The following STK24 variants were observed in gnomAD, a reference collection of about 807,000 sequenced individuals.
STK24 encodes serine/threonine kinase 24, also known as serine/threonine-protein kinase 24.
STK24 carries 21 observed loss-of-function variants against 55.6 expected under a neutral mutation model. The observed-to-expected ratio is 0.38, with a 90% CI of 0.27 to 0.54. STK24 has a LOEUF of 0.54. Ranked by LOEUF, STK24 falls within the 20% of genes least tolerant of loss-of-function variation. The probability of loss-of-function intolerance (pLI) is 0.79; values close to 1 mark genes in which losing one functional copy is unlikely to be tolerated. For synonymous variants in STK24, 200 were observed against 215.2 expected (o/e 0.93, Z 0.62); for missense variants, 383 against 538.4 (o/e 0.71, Z 2.86).
chr13:98,470,933 T>C (rs564266237), intron 5 of STK24, among the ~76,000 whole-genome samples: 46 of 152,362 alleles, frequency 3.0e-4, no homozygotes, highest in African/African-American at 1.1e-3. Flanking sequence ...AGCTTATTAC[T>C]TAAGCAGATG....
Position 98,448,620 on chromosome 13 carries a change from CAG to C in STK24, c.*4551_*4552del, listed in dbSNP as rs1893014891. 1 of 344,148 alleles carries C rather than the reference CAG, an allele frequency of 2.9e-6. No individual in the cohort carries two copies. The highest frequency in any genetic ancestry group is 6.4e-5 in the East Asian group (1 of 15,718). The allele number at this position is 344,148 out of a possible 1,614,324, so 21.3% of individuals were successfully genotyped here. On this transcript the variant is annotated 3_prime_UTR_variant, in exon 11 of 11. Transcript: ENST00000539966. ...TTCCCTCCACCCTGCCCCTGAAAAA[CAG>C]TACACACACATCCGTTCAACACAAG... is the stretch of plus-strand genomic sequence containing the variant.
chr13:98,463,930 C>A, intron 6 of STK24, 94 bp from the exon 7 acceptor site: 2 of 1,401,374 alleles, frequency 1.4e-6, no homozygotes, highest in South Asian at 2.6e-5. Flanking sequence ...AACCGCCACA[C>A]TGACACCTGA....
chr13:98,515,446 C>A (rs190831868), intron 2 of STK24, among the ~76,000 whole-genome samples: 11 of 151,784 alleles, frequency 7.2e-5, no homozygotes, highest in Admixed American at 5.9e-4. Context: ...GAAACTACAA[C>A]GGGTGAAGTT....
chr13:98,460,284 C>A, intron 9 of STK24, 88 bp downstream of exon 9: 1 of 1,264,732 alleles, frequency 7.9e-7, no homozygotes. Flanking sequence ...ATGTCCCCAA[C>A]TCTTAACTGG....
chr13:98,461,659 C>T, intron 8 of STK24, 115 bp downstream of exon 8: 1 of 1,457,798 alleles, frequency 6.9e-7, no homozygotes, highest in Admixed American at 1.8e-5. Context: ...AACAAAATTC[C>T]AGGACAGCTG....
chr13:98,528,171 G>A (rs368919511), intron 1 of STK24, among the ~76,000 whole-genome samples: 4 of 152,106 alleles, frequency 2.6e-5, no homozygotes, highest in East Asian at 3.9e-4. Flanking sequence ...CATCAGTCTC[G>A]GGCTCCCTTC....
At chr13:98,537,883 C>T (rs1427758380) in intron 1 of STK24, among the ~76,000 whole-genome samples, 3 of 152,066 alleles carry the variant, frequency 2.0e-5, no homozygotes, top group Non-Finnish European at 4.4e-5. Context: ...ACAAGAGTAC[C>T]CACAACACAG....
At chr13:98,564,583 C>G (rs150719397) in intron 1 of STK24, among the ~76,000 whole-genome samples, 138 of 152,282 alleles carry the variant, frequency 9.1e-4, no homozygotes, top group African/African-American at 3.0e-3. Context: ...TTTAGGCTGG[C>G]GTCTACATCT....
At chr13:98,524,039 C>A (rs1416390382) in intron 1 of STK24, among the ~76,000 whole-genome samples, 1 of 152,076 alleles carries the variant, frequency 6.6e-6, no homozygotes, top group South Asian at 2.1e-4. Flanking sequence ...GCTGGCAGCC[C>A]GTCCACACCC....
chr13:98,572,257 G>A (rs1897762659), intron 1 of STK24, among the ~76,000 whole-genome samples: 1 of 152,112 alleles, frequency 6.6e-6, no homozygotes, highest in African/African-American at 2.4e-5. Flanking sequence ...CCCCTGTGCA[G>A]TCCAATGCTG....
At position 98,450,445 on chromosome 13, in the gene STK24, G is replaced by A. The variant is rs933440395; in HGVS notation, c.*2728C>T. Reference sequence around the variant, plus strand: ...GAGCAATGCAGGGATAAAACTATTGGATAAGGAAGGCAGATGCACTTCCAA... The same window carrying A: ...GAGCAATGCAGGGATAAAACTATTGAATAAGGAAGGCAGATGCACTTCCAA... On this transcript the variant is annotated 3_prime_UTR_variant, in exon 11 of 11. Coordinates refer to ENST00000539966, the MANE Select transcript of STK24 (RefSeq NM_001032296.4). 3.9e-5 allele frequency: 6 copies of A among 152,256 alleles called. No individual in the cohort carries two copies. The highest frequency in any genetic ancestry group is 8.8e-5 in the Non-Finnish European group (6 of 68,062). 9.4% of individuals were successfully genotyped at this position (152,256 alleles called of 1,614,324 possible).
chr13:98,576,663 A>C, intron 1 of STK24, 82 bp downstream of exon 1: 57 of 1,219,128 alleles, frequency 4.7e-5, no homozygotes, highest in Non-Finnish European at 5.9e-5. Context: ...GGCTGAGCGT[A>C]GGGGGACGCC....
intron 1 of STK24, among the ~76,000 whole-genome samples, chr13:98,551,740 TG>T (rs375008945): frequency 2.0e-5 from 3 of 152,296 alleles, no homozygotes; most frequent in African/African-American, 7.2e-5. Flanking sequence ...CTCCAATGCT[TG>T]CTGGAATGTC....
rs57995539 is a variant in STK24, at chr13:98,545,633, CAAA to C, written c.43-26163_43-26161del. Among the ~76,000 whole-genome samples, 479 of 118,108 alleles carry C rather than the reference CAAA, an allele frequency of 4.1e-3. 4 individuals carry two copies. Among genetic ancestry groups the C allele is most frequent in the Non-Finnish European group, 6.4e-3 (375 of 58,586 alleles). 77.5% of individuals were successfully genotyped at this position (118,108 alleles called of 152,430 possible). A position where few individuals can be genotyped will look rare whatever the true frequency, so the allele number is the denominator to read the frequency against. On this transcript the variant is annotated intron_variant, in intron 1 of 10. Coordinates refer to ENST00000539966, the MANE Select transcript of STK24 (RefSeq NM_001032296.4). ...TGGGTGACAGAGCAAAACTCCATCT[CAAA>C]AAAAAAAAAAAAAAAAGTGCCAGAC...
At position 98,466,448 on chromosome 13, in the gene STK24, C is replaced by T. The variant is rs769951143; in HGVS notation, c.711G>A (p.Pro237=). The T allele has an allele frequency of 6.2e-7, 1 of 1,613,944 alleles. No homozygotes were observed. Residue 237 remains proline, a synonymous_variant, in exon 6 of 11, where the codon CCG becomes CCA. Transcript: ENST00000539966. ...GTTTACTGTAGTTTCCTTCCAACGT[C>T]GGTGGGTTGTTCTTTGGAATGAGGA... ...VLFLIPKNNP[P]TLEGNYSKPL... is the part of the protein sequence containing the mutation.
Position 98,448,080 on chromosome 13 carries a change from G to A in STK24, c.*5093C>T, listed in dbSNP as rs1045206982. On this transcript the variant is annotated 3_prime_UTR_variant, in exon 11 of 11. Transcript: ENST00000539966. ...TGGGTCTCCACTGTACCTCAGGAACGCCTGGGTGCTGGCTGTTCCCTTGCT... is the reference window on the plus strand; with the variant it reads ...TGGGTCTCCACTGTACCTCAGGAACACCTGGGTGCTGGCTGTTCCCTTGCT... 3.9e-5 allele frequency: 26 copies of A among 662,248 alleles called. No homozygotes were observed. The highest frequency in any genetic ancestry group is 4.1e-4 in the Middle Eastern group (1 of 2,442). 41.0% of individuals were successfully genotyped at this position (662,248 alleles called of 1,614,324 possible).
rs770222059 is a variant in STK24 at position 98,457,322 on chromosome 13, G to C, written c.1123-18C>G. On this transcript the variant is annotated intron_variant, in intron 9 of 10. Coordinates refer to ENST00000539966, the MANE Select transcript of STK24 (RefSeq NM_001032296.4). ...TCCTTCAACTGAAAACACACGAACA[G>C]GAAGAATGGCATGAAGCACACCAGC... 1.2e-6 allele frequency: 2 copies of C among 1,613,882 alleles called. No homozygotes were observed. Among genetic ancestry groups the C allele is most frequent in the Non-Finnish European group, 1.7e-6 (2 of 1,180,016 alleles).
chr13:98,465,747 A>T lies in STK24; in HGVS notation c.783+629T>A, dbSNP rs1226137851. 3.9e-5 allele frequency among the ~76,000 whole-genome samples: 6 copies of T among 152,366 alleles called. No homozygotes were observed. In the South Asian group the frequency reaches 1.0e-3, roughly 26 times the overall value. The stretch of plus-strand genomic sequence containing the variant: ...CAGCTAACTCTGCTGGAAAACTCAG[A>T]AACAAAACAAGGACATATGGTGCTA... On this transcript the variant is annotated intron_variant, in intron 6 of 10. Coordinates refer to ENST00000539966, the MANE Select transcript of STK24 (RefSeq NM_001032296.4).
At chr13:98,549,554 G>T (rs139723959) in intron 1 of STK24, among the ~76,000 whole-genome samples, 254 of 152,182 alleles carry the variant, frequency 1.7e-3, no homozygotes, top group Non-Finnish European at 3.1e-3. Context: ...GCAAGATCTG[G>T]TTGTTTAAAA....
Sources: gnomAD v4.1 joint callset for allele counts (sites outside exome capture counted in the v4.1 genomes callset) on GRCh38, gnomAD v4.1.1 for gene constraint, MANE v1.5 for transcripts, NCBI Gene and HGNC (gene_info 2026-07-23, HGNC 2026-07-21) for gene names.